Variants in CTNNA3 observed in about 807,000 individuals in gnomAD.
CTNNA3 encodes catenin alpha-3.
A neutral mutation model predicts 95.7 loss-of-function variants in CTNNA3; 76 were observed. The observed-to-expected ratio is 0.79, with a 90% CI of 0.66 to 0.96. The LOEUF (loss-of-function observed/expected upper bound fraction) is 0.96, where lower values mean the gene tolerates loss of function less well. Among genes scored for constraint, CTNNA3 ranks in the 40% least tolerant of loss-of-function variants. The pLI is 0.00. For synonymous variants in CTNNA3, 431 were observed against 374.4 expected (o/e 1.15, Z -1.74); for missense variants, 1,191 against 1,089.8 (o/e 1.09, Z -1.31).
intron 10 of CTNNA3, among the ~76,000 whole-genome samples, chr10:66,564,736 G>A (rs1157681733): frequency 2.0e-5 from 3 of 152,170 alleles, no homozygotes; most frequent in African/African-American, 4.8e-5. Context: ...AGGTGAGGAA[G>A]GGACAAGGAA....
chr10:66,330,125 T>G (rs914263621), intron 12 of CTNNA3, among the ~76,000 whole-genome samples: 1 of 152,018 alleles, frequency 6.6e-6, no homozygotes, highest in Non-Finnish European at 1.5e-5. Flanking sequence ...GGTAAAAGTT[T>G]GTTACATATG....
intron 13 of CTNNA3, among the ~76,000 whole-genome samples, chr10:66,156,431 G>A (rs899913021): frequency 6.6e-6 from 1 of 151,872 alleles, no homozygotes; most frequent in Non-Finnish European, 1.5e-5. Flanking sequence ...TAAATTCACA[G>A]GTGAATATAC....
At chr10:67,540,997 TTAAA>T (rs1840668139) in intron 3 of CTNNA3, among the ~76,000 whole-genome samples, 1 of 151,974 alleles carries the variant, frequency 6.6e-6, no homozygotes, top group South Asian at 2.1e-4. Flanking sequence ...TTTATGAGTA[TTAAA>T]TAAGAGTACA....
intron 11 of CTNNA3, among the ~76,000 whole-genome samples, chr10:66,503,129 C>T (rs181764105): frequency 3.3e-5 from 5 of 152,210 alleles, no homozygotes; most frequent in South Asian, 2.1e-4. Context: ...TTAGTAATAA[C>T]AGTTATCTTT....
chr10:66,228,622 C>T (rs1412326122), intron 13 of CTNNA3, among the ~76,000 whole-genome samples: 1 of 152,034 alleles, frequency 6.6e-6, no homozygotes, highest in Admixed American at 6.6e-5. Context: ...GTAGTTGTTG[C>T]ATCAAATCTT....
intron 3 of CTNNA3, among the ~76,000 whole-genome samples, chr10:67,574,278 G>T (rs1842070634): frequency 6.6e-6 from 1 of 152,042 alleles, no homozygotes; most frequent in Admixed American, 6.6e-5. Context: ...TTCTTTGATT[G>T]ATTTATTTAA....
At chr10:66,254,409 T>G (rs150358176) in intron 13 of CTNNA3, among the ~76,000 whole-genome samples, 1 of 152,240 alleles carries the variant, frequency 6.6e-6, no homozygotes, top group Non-Finnish European at 1.5e-5. Flanking sequence ...ATAAATGTAA[T>G]CATTCCTCAT....
chr10:66,730,813 C>T (rs902213974), intron 9 of CTNNA3, among the ~76,000 whole-genome samples: 1 of 152,150 alleles, frequency 6.6e-6, no homozygotes, highest in Non-Finnish European at 1.5e-5. Context: ...GAAAAATACA[C>T]TTCTATCTTG....
intron 5 of CTNNA3, among the ~76,000 whole-genome samples, chr10:67,349,909 C>T (rs1842568979): frequency 6.6e-6 from 1 of 151,986 alleles, no homozygotes; most frequent in Non-Finnish European, 1.5e-5. Context: ...TAAGTGGGAA[C>T]CCCTACACAG....
intron 11 of CTNNA3, among the ~76,000 whole-genome samples, chr10:66,513,019 G>C (rs1340770325): frequency 6.6e-6 from 1 of 151,878 alleles, no homozygotes; most frequent in South Asian, 2.1e-4. Context: ...GGGAACATTT[G>C]AGCTCCCTAT....
intron 9 of CTNNA3, among the ~76,000 whole-genome samples, chr10:66,672,112 G>A (rs1269286602): frequency 1.3e-5 from 2 of 152,074 alleles, no homozygotes; most frequent in Non-Finnish European, 2.9e-5. Flanking sequence ...AATGGAGGAA[G>A]GGGCTGAAGA....
chr10:66,043,216 C>T (rs2079744235), intron 15 of CTNNA3, among the ~76,000 whole-genome samples: 1 of 148,156 alleles, frequency 6.7e-6, no homozygotes, highest in Non-Finnish European at 1.5e-5. Context: ...AATGGCAATG[C>T]TAAGAAAAGG....
chr10:66,780,304 A>C (rs1840476407), intron 7 of CTNNA3, among the ~76,000 whole-genome samples: 1 of 152,160 alleles, frequency 6.6e-6, no homozygotes, highest in Non-Finnish European at 1.5e-5. Flanking sequence ...AAATAGAAGC[A>C]TTAAATGGTC....
chr10:66,864,736 C>T (rs1844095446), intron 7 of CTNNA3, among the ~76,000 whole-genome samples: 1 of 152,040 alleles, frequency 6.6e-6, no homozygotes, highest in African/African-American at 2.4e-5. Context: ...ACGTCTCATA[C>T]TCAAATTCTG....
intron 7 of CTNNA3, among the ~76,000 whole-genome samples, chr10:67,152,242 G>GAA (rs1358996357): frequency 6.6e-6 from 1 of 152,128 alleles, no homozygotes. Flanking sequence ...GTCACTCACT[G>GAA]AAAGATCAGG....
At chr10:67,532,193 T>C (rs987760652) in intron 4 of CTNNA3, among the ~76,000 whole-genome samples, 1 of 152,216 alleles carries the variant, frequency 6.6e-6, no homozygotes, top group African/African-American at 2.4e-5. Flanking sequence ...AATATGCTTT[T>C]ACATATTTTG....
intron 5 of CTNNA3, among the ~76,000 whole-genome samples, chr10:67,486,604 A>G (rs1210946886): frequency 6.6e-6 from 1 of 152,126 alleles, no homozygotes; most frequent in Non-Finnish European, 1.5e-5. Context: ...CAGTAAGATT[A>G]TTGTAAAAGT....
At chr10:67,287,233 G>C (rs1261759819) in intron 5 of CTNNA3, among the ~76,000 whole-genome samples, 1 of 152,062 alleles carries the variant, frequency 6.6e-6, no homozygotes, top group African/African-American at 2.4e-5. Context: ...AGCTACTTGG[G>C]AAGCTGAGGC....
intron 9 of CTNNA3, among the ~76,000 whole-genome samples, chr10:66,722,863 A>G (rs1003528077): frequency 6.6e-6 from 1 of 152,054 alleles, no homozygotes; most frequent in Non-Finnish European, 1.5e-5. Context: ...GAGTAGACAG[A>G]GACTTGGCAT....
Sources: allele counts gnomAD v4.1 joint callset (sites outside exome capture counted in the v4.1 genomes callset), GRCh38; gene constraint gnomAD v4.1.1; transcripts MANE v1.5; gene names NCBI Gene and HGNC (gene_info 2026-07-23, HGNC 2026-07-21).